The following SEMA6A variants were observed in gnomAD, a reference collection of about 807,000 sequenced individuals.
SEMA6A encodes the protein semaphorin-6A.
A neutral mutation model predicts 96.8 loss-of-function variants in SEMA6A; 25 were observed. The ratio of observed to expected loss-of-function variants is 0.26; its 90% confidence interval spans 0.19 to 0.36. The LOEUF (loss-of-function observed/expected upper bound fraction) is 0.36, where lower values mean the gene tolerates loss of function less well. Among genes scored for constraint, SEMA6A ranks in the 10% least tolerant of loss-of-function variants. SEMA6A has a pLI of 1.00. For synonymous variants in SEMA6A, 612 were observed against 518.0 expected (o/e 1.18, Z -2.46); for missense variants, 1,363 against 1,323.1 (o/e 1.03, Z -0.47).
chr5:116,449,166 T>C (rs1310194111), intron 18 of SEMA6A: 1 of 569,972 alleles, frequency 1.8e-6, no homozygotes, highest in Non-Finnish European at 3.1e-6. Context: ...TCTTAAGTGC[T>C]TGATGCAGTC....
chr5:116,474,282 A>G (rs968332576), intron 16 of SEMA6A, among the ~76,000 whole-genome samples: 3 of 144,230 alleles, frequency 2.1e-5, no homozygotes, highest in Admixed American at 2.1e-4. Context: ...ACGCATGCAC[A>G]CACACACACA....
intron 1 of SEMA6A, among the ~76,000 whole-genome samples, chr5:116,572,439 G>T (rs766769754): frequency 1.1e-4 from 17 of 152,226 alleles, no homozygotes; most frequent in Non-Finnish European, 1.2e-4. Flanking sequence ...CCCTGGAAGT[G>T]CTTGCCCCGG....
chr5:116,470,449 A>C (rs1756054267), intron 17 of SEMA6A, among the ~76,000 whole-genome samples: 1 of 152,204 alleles, frequency 6.6e-6, no homozygotes, highest in Non-Finnish European at 1.5e-5. Context: ...ATACAAATAA[A>C]TAGGTATATT....
chr5:116,481,382 G>A (rs147333144), intron 11 of SEMA6A, among the ~76,000 whole-genome samples: 1 of 152,166 alleles, frequency 6.6e-6, no homozygotes, highest in Non-Finnish European at 1.5e-5. Context: ...ATCTGTCTGA[G>A]GTTGCTGGGG....
At chr5:116,501,925 C>A (rs1397807183) in intron 3 of SEMA6A, among the ~76,000 whole-genome samples, 1 of 152,160 alleles carries the variant, frequency 6.6e-6, no homozygotes, top group African/African-American at 2.4e-5. Context: ...GCAGAGCATT[C>A]TAATGGGTGC....
Position 116,478,165 on chromosome 5 carries a change from C to T in SEMA6A, c.1428-11G>A, listed in dbSNP as rs1756559777. On this transcript the variant is annotated splice_polypyrimidine_tract_variant and intron_variant, in intron 13 of 18. Coordinates refer to ENST00000343348, the MANE Select transcript of SEMA6A (RefSeq NM_020796.5). ...CCATCATAGCTGCATCTAATTTCAT[C>T]AGGCAAGATAATATCATTAATAGAC... The T allele has an allele frequency of 6.2e-7, 1 of 1,613,534 alleles. No individual in the cohort carries two copies. The highest frequency in any genetic ancestry group is 1.3e-5 in the African/African-American group (1 of 75,040).
chr5:116,515,845 G>C (rs538111664), intron 1 of SEMA6A, among the ~76,000 whole-genome samples: 1 of 152,258 alleles, frequency 6.6e-6, no homozygotes, highest in African/African-American at 2.4e-5. Context: ...GGCTCCTACA[G>C]AATTAATAAC....
intron 1 of SEMA6A, among the ~76,000 whole-genome samples, chr5:116,573,645 GACA>G (rs1462640763): frequency 4.0e-5 from 6 of 151,488 alleles, no homozygotes; most frequent in Non-Finnish European, 8.8e-5. Flanking sequence ...ACCCCACACT[GACA>G]ACAAAAGATT....
chr5:116,497,925 C>G (rs1219943160), intron 3 of SEMA6A, among the ~76,000 whole-genome samples: 1 of 152,212 alleles, frequency 6.6e-6, no homozygotes, highest in Non-Finnish European at 1.5e-5. Flanking sequence ...CCAGAAGCCA[C>G]TCTTTTCCCT....
chr5:116,545,627 C>T (rs973120707), intron 1 of SEMA6A, among the ~76,000 whole-genome samples: 6 of 152,150 alleles, frequency 3.9e-5, no homozygotes, highest in African/African-American at 4.8e-5. Flanking sequence ...GTTCCATCTG[C>T]GAGGAGCACC....
chr5:116,452,710 C>G (rs1197016995), intron 18 of SEMA6A, among the ~76,000 whole-genome samples: 1 of 152,196 alleles, frequency 6.6e-6, no homozygotes, highest in East Asian at 1.9e-4. Flanking sequence ...CTCATGGATA[C>G]TATTCCGTGC....
intron 9 of SEMA6A, 70 bp downstream of exon 9, chr5:116,488,035 TAAC>T (rs1338844722): frequency 2.0e-6 from 2 of 978,520 alleles, no homozygotes; most frequent in South Asian, 1.5e-5. Context: ...AGATCATTTA[TAAC>T]AACATTTGAC....
chr5:116,488,788 C>A, intron 8 of SEMA6A, 100 bp downstream of exon 8: 1 of 1,332,128 alleles, frequency 7.5e-7, no homozygotes, highest in Non-Finnish European at 9.8e-7. Flanking sequence ...GAAGCCATTA[C>A]TCAAATGAAG....
At chr5:116,499,906 A>G (rs1757791253) in intron 3 of SEMA6A, among the ~76,000 whole-genome samples, 1 of 152,200 alleles carries the variant, frequency 6.6e-6, no homozygotes, top group African/African-American at 2.4e-5. Flanking sequence ...ACGCCCTGCT[A>G]AATCATCGAG....
chr5:116,515,087 A>G (rs1258287659), intron 1 of SEMA6A, among the ~76,000 whole-genome samples: 1 of 152,174 alleles, frequency 6.6e-6, no homozygotes, highest in Non-Finnish European at 1.5e-5. Flanking sequence ...TTCACTGTGG[A>G]GGGGGCAGGT....
chr5:116,446,441 G>C lies in SEMA6A; in HGVS notation c.*172C>G, dbSNP rs1010205970. On this transcript the variant is annotated 3_prime_UTR_variant, in exon 19 of 19. Coordinates refer to ENST00000343348, the MANE Select transcript of SEMA6A (RefSeq NM_020796.5). ...GTTGCAAACCTTCACCAAACCACGC[G>C]GCCCAGTTTTCGTGAGTACCCCTGT... 3.8e-6 allele frequency: 2 copies of C among 526,726 alleles called. No homozygotes were observed. Among genetic ancestry groups the C allele is most frequent in the African/African-American group, 1.9e-5 (1 of 52,256 alleles). The allele number at this position is 526,726 out of a possible 1,614,324, so 32.6% of individuals were successfully genotyped here. A position where few individuals can be genotyped will look rare whatever the true frequency, so the allele number is the denominator to read the frequency against.
chr5:116,488,271 G>A (rs141532034), intron 8 of SEMA6A, 75 bp from the exon 9 acceptor site: 59 of 966,066 alleles, frequency 6.1e-5, no homozygotes, highest in African/African-American at 6.0e-4. Context: ...TGTAGCCAAA[G>A]ACATGTTATT....
At chr5:116,509,667 G>C (rs1300363521) in intron 1 of SEMA6A, among the ~76,000 whole-genome samples, 2 of 151,942 alleles carry the variant, frequency 1.3e-5, no homozygotes, top group African/African-American at 4.8e-5. Flanking sequence ...CCTGCCTCTG[G>C]GTCATGTAAC....
At chr5:116,552,681 C>T (rs1054225334) in intron 1 of SEMA6A, among the ~76,000 whole-genome samples, 1 of 152,100 alleles carries the variant, frequency 6.6e-6, no homozygotes, top group Non-Finnish European at 1.5e-5. Context: ...GGTTCAAAAC[C>T]GATCTATTTC....
Sources: allele counts gnomAD v4.1 joint callset (sites outside exome capture counted in the v4.1 genomes callset), GRCh38; gene constraint gnomAD v4.1.1; transcripts MANE v1.5; gene names NCBI Gene and HGNC (gene_info 2026-07-23, HGNC 2026-07-21).